TMEM63A: variants seen among roughly 807,000 people sequenced by gnomAD.
The protein encoded by TMEM63A is mechanosensitive cation channel TMEM63A.
In TMEM63A, 76 loss-of-function variants were observed where a neutral mutation model predicts 100.6. The ratio of observed to expected loss-of-function variants is 0.76; its 90% confidence interval spans 0.63 to 0.91. TMEM63A has a LOEUF of 0.91. Ranked by LOEUF, TMEM63A falls within the 40% of genes least tolerant of loss-of-function variation. The pLI is 0.00. For missense variants in TMEM63A, 876 were observed against 1,008.8 expected, an observed-to-expected ratio of 0.87 and a Z score of 1.78; for synonymous variants, 401 against 401.1, an observed-to-expected ratio of 1.00 and a Z score of 0.00.
chr1:225,877,249 G>A (rs1576118912), intron 3 of TMEM63A, 146 bp downstream of exon 3: 7 of 863,530 alleles, frequency 8.1e-6, no homozygotes, highest in African/African-American at 3.4e-5. Flanking sequence ...TAAGTAACAC[G>A]CCTAAGTCAC....
chr1:225,842,187 G>A (rs1018078410), downstream of TMEM63A, among the ~76,000 whole-genome samples: 3 of 152,204 alleles, frequency 2.0e-5, no homozygotes, highest in Non-Finnish European at 2.9e-5. Flanking sequence ...TGAGGATGCC[G>A]AGGCAGAGTT....
rs1669402381 is a variant in TMEM63A, at chr1:225,852,600, A to G, written c.1903+64T>C. 3 of 1,504,364 alleles carry G rather than the reference A, an allele frequency of 2.0e-6. No homozygotes were observed. In the Admixed American group the frequency reaches 5.1e-5, roughly 25 times the overall value. 93.2% of individuals were successfully genotyped at this position (1,504,364 alleles called of 1,614,324 possible). The stretch of plus-strand genomic sequence containing the variant: ...TGCCCTGGTGATAGCTGTCCCCGAG[A>G]GGTTTGGTGCAATCAGCCGTCCATG... On this transcript the variant is annotated intron_variant, in intron 20 of 24. Transcript: ENST00000366835.
chr1:225,860,592 G>A (rs1044546461), intron 14 of TMEM63A: 12 of 335,470 alleles, frequency 3.6e-5, no homozygotes, highest in Non-Finnish European at 5.3e-5. Flanking sequence ...TTTTAGCATG[G>A]CTATTAGGAA....
At position 225,860,915 on chromosome 1, in the gene TMEM63A, G is replaced by A; in HGVS notation, c.1168C>T (p.Leu390Phe). Residue 390 changes from leucine to phenylalanine, a missense_variant, in exon 14 of 25, where the codon CTC becomes TTC. Transcript: ENST00000366835. The stretch of plus-strand genomic sequence containing the variant: ...GTGACTGTCCACTTGGAGGTATAGA[G>A]CTCCCTGCTATGGGAGGACGGCTGG... Reference protein sequence around the residue: ...EPQPSSHSRELYTSKWTVTFA... With the variant: ...EPQPSSHSREFYTSKWTVTFA... The A allele has an allele frequency of 1.2e-6, 2 of 1,612,876 alleles. No individual in the cohort carries two copies. Among genetic ancestry groups the A allele is most frequent in the East Asian group, 4.5e-5 (2 of 44,758 alleles).
Position 225,853,581 on chromosome 1 carries a change from G to T in TMEM63A, c.1797+48C>A. 6.7e-7 allele frequency: 1 copy of T among 1,488,310 alleles called. No individual in the cohort carries two copies. The highest frequency in any genetic ancestry group is 1.3e-5 in the South Asian group (1 of 74,614). The allele number at this position is 1,488,310 out of a possible 1,614,324, so 92.2% of individuals were successfully genotyped here. A position where few individuals can be genotyped will look rare whatever the true frequency, so the allele number is the denominator to read the frequency against. ...AGAGGCCCTCGGGTCAGTGAAGGGG[G>T]ACATGGGAGGGAGTCAGAGGCACAG... On this transcript the variant is annotated intron_variant, in intron 19 of 24. Transcript: ENST00000366835. The surrounding 1 kb of genome is among the most constrained non-coding windows in gnomAD (Gnocchi z 4.0).
intron 8 of TMEM63A, 187 bp from the exon 9 acceptor site, chr1:225,866,869 C>T: frequency 4.4e-6 from 3 of 674,746 alleles, no homozygotes; most frequent in Admixed American, 2.6e-5. Context: ...CAGAGGGGTC[C>T]CCATCCCTGT....
intron 21 of TMEM63A, 32 bp from the exon 22 acceptor site, chr1:225,849,044 G>T: frequency 2.2e-6 from 3 of 1,380,546 alleles, no homozygotes; most frequent in South Asian, 2.5e-5. Flanking sequence ...CCTTGGGGTG[G>T]GCAGGGAGGG....
intron 6 of TMEM63A, among the ~76,000 whole-genome samples, chr1:225,870,330 C>T (rs1276248314): frequency 1.4e-5 from 2 of 145,716 alleles, no homozygotes; most frequent in African/African-American, 5.1e-5. Context: ...CCAGCCTGGG[C>T]GACAAGAGCG....
chr1:225,864,741 C>T (rs1006230270), intron 10 of TMEM63A: 1 of 152,224 alleles, frequency 6.6e-6, no homozygotes, highest in Admixed American at 6.5e-5. Context: ...ATTTGCTTAG[C>T]AAGTGCTTTC....
At chr1:225,856,079 G>T in intron 17 of TMEM63A, 139 bp from the exon 18 acceptor site, 1 of 813,242 alleles carries the variant, frequency 1.2e-6, no homozygotes, top group Non-Finnish European at 2.0e-6. Context: ...ACTTACTACG[G>T]CATGACCTGT....
At chr1:225,845,429 G>A (rs1010258285), downstream of TMEM63A, 3 of 1,448,228 alleles carry the variant, frequency 2.1e-6, no homozygotes, top group African/African-American at 4.2e-5. Context: ...CTTTTCTGAG[G>A]AATGAGTTTG....
In TMEM63A at chr1:225,845,726, A is replaced by C; in HGVS notation, c.*1213T>G. On this transcript the variant is annotated 3_prime_UTR_variant, in exon 25 of 25. Coordinates refer to ENST00000366835, the MANE Select transcript of TMEM63A (RefSeq NM_014698.3). The stretch of plus-strand genomic sequence containing the variant: ...GCACCAGACCAATGGCACCGCCCCC[A>C]CCCCTCCCAGCGCAGGGGCAGCTTG... 9.1e-6 allele frequency: 3 copies of C among 330,610 alleles called. No homozygotes were observed. The highest frequency in any genetic ancestry group is 9.8e-4 in the Middle Eastern group (1 of 1,024). 20.5% of individuals were successfully genotyped at this position (330,610 alleles called of 1,614,324 possible).
intron 13 of TMEM63A, chr1:225,861,218 AT>A (rs1669918082): frequency 2.5e-6 from 1 of 398,258 alleles, no homozygotes; most frequent in Non-Finnish European, 4.4e-6. Flanking sequence ...AGGGAGTACG[AT>A]TCCCATTTTA....
intron 16 of TMEM63A, 70 bp downstream of exon 16, chr1:225,856,841 G>A: frequency 6.3e-7 from 1 of 1,584,154 alleles, no homozygotes; most frequent in Non-Finnish European, 8.6e-7. Flanking sequence ...TGGGGGGTTA[G>A]GGTGTGGACA....
Position 225,867,138 on chromosome 1 carries a change from CCT to C in TMEM63A, c.538_539del (p.Arg180AspfsTer9), listed in dbSNP as rs759950123. ...CAGTCTGTAGGTTTGCTATTGTTGT[CCT>C]CCCAAAACTATACGGGTCTTTGTCT... ...LLDKDPYSFG[R>X]TTIANLQTDN... On this transcript the variant is annotated frameshift_variant, in exon 8 of 25. Coordinates refer to ENST00000366835, the MANE Select transcript of TMEM63A (RefSeq NM_014698.3). LOFTEE classifies it high-confidence loss of function. This position sits in a 1 kb window ranked among gnomAD's most constrained non-coding sequence, Gnocchi z 4.6. The C allele has an allele frequency of 6.2e-7, 1 of 1,614,042 alleles. No individual in the cohort carries two copies. The highest frequency in any genetic ancestry group is 8.5e-7 in the Non-Finnish European group (1 of 1,180,034).
chr1:225,840,672 G>A (rs896918365), downstream of TMEM63A, among the ~76,000 whole-genome samples: 2 of 152,118 alleles, frequency 1.3e-5, no homozygotes, highest in Non-Finnish European at 2.9e-5. Context: ...AGAGTCATTC[G>A]CATTACCCTC....
chr1:225,858,079 G>A (rs1410515067), intron 15 of TMEM63A, among the ~76,000 whole-genome samples: 1 of 152,144 alleles, frequency 6.6e-6, no homozygotes, highest in East Asian at 1.9e-4. Context: ...CATCAGATAG[G>A]GAATGGCAAA....
chr1:225,845,681 C>CCACTGGCCAGGG lies in TMEM63A; in HGVS notation c.*1246_*1257dup. 4.5e-6 allele frequency: 2 copies of CCACTGGCCAGGG among 445,496 alleles called. No individual in the cohort carries two copies. The highest frequency in any genetic ancestry group is 4.2e-5 in the South Asian group (2 of 47,116). The allele number at this position is 445,496 out of a possible 1,614,324, so 27.6% of individuals were successfully genotyped here. On this transcript the variant is annotated 3_prime_UTR_variant, in exon 25 of 25. Transcript: ENST00000366835. ...CACGGGAGGCCTGCTGGGGATGAGGCCACTGGCCAGGGCTATGCTGCACCA... is the reference window on the plus strand; with the variant it reads ...CACGGGAGGCCTGCTGGGGATGAGGCCACTGGCCAGGGCACTGGCCAGGGCTATGCTGCACCA...
downstream of TMEM63A, among the ~76,000 whole-genome samples, chr1:225,843,123 A>C (rs924904332): frequency 6.6e-6 from 1 of 152,218 alleles, no homozygotes; most frequent in African/African-American, 2.4e-5. Flanking sequence ...CCCATCACCT[A>C]GAACAATGCC....
Sources: allele counts gnomAD v4.1 joint callset (sites outside exome capture counted in the v4.1 genomes callset), GRCh38; gene constraint gnomAD v4.1.1; non-coding constraint Gnocchi (gnomAD v3.1); transcripts MANE v1.5; gene names NCBI Gene and HGNC (gene_info 2026-07-23, HGNC 2026-07-21).